The following IL1RAPL2 variants were observed in gnomAD, a reference collection of about 807,000 sequenced individuals.
IL1RAPL2 encodes X-linked interleukin-1 receptor accessory protein-like 2.
Under a neutral mutation model 44.1 loss-of-function variants are expected in IL1RAPL2, and 3 were observed. That is an observed-to-expected ratio of 0.07 (90% CI 0.03 to 0.18). The LOEUF is 0.18. Among genes scored for constraint, IL1RAPL2 ranks in the 10% least tolerant of loss-of-function variants. The pLI is 1.00. For synonymous variants in IL1RAPL2, 181 were observed against 178.8 expected, an observed-to-expected ratio of 1.01 and a Z score of -0.10; for missense variants, 391 against 496.4, an observed-to-expected ratio of 0.79 and a Z score of 2.02.
intron 2 of IL1RAPL2, among the ~76,000 whole-genome samples, chrX:104,908,883 G>T (rs775256510): frequency 1.7e-4 from 19 of 111,152 alleles, no homozygotes; most frequent in Non-Finnish European, 3.2e-4. Flanking sequence ...CTCCTGAAAT[G>T]TTGGCCTGCC....
intron 3 of IL1RAPL2, among the ~76,000 whole-genome samples, chrX:105,204,335 A>G (rs1272076909): frequency 9.0e-6 from 1 of 111,469 alleles, no homozygotes; most frequent in Non-Finnish European, 1.9e-5. Flanking sequence ...GTGTACTGAA[A>G]TAGGTATTCT....
At chrX:104,642,529 G>C (rs766423574) in intron 1 of IL1RAPL2, among the ~76,000 whole-genome samples, 13 of 110,275 alleles carry the variant, frequency 1.2e-4, no homozygotes, top group Admixed American at 3.9e-4. Flanking sequence ...TTGTTGCCCA[G>C]GCTGGAGTCC....
intron 5 of IL1RAPL2, among the ~76,000 whole-genome samples, chrX:105,453,311 T>C (rs1391396546): frequency 1.8e-5 from 2 of 112,334 alleles, no homozygotes; most frequent in Non-Finnish European, 3.8e-5. Flanking sequence ...GGCCTAATTT[T>C]AGTCATATTC....
At chrX:104,761,975 CTTCTTCT>C (rs1569309975) in intron 2 of IL1RAPL2, among the ~76,000 whole-genome samples, 7 of 96,919 alleles carry the variant, frequency 7.2e-5, no homozygotes, top group East Asian at 6.3e-4. Flanking sequence ...TCTTCTTCTT[CTTCTTCT>C]TCCTCCTCCT....
Position 105,746,933 on chromosome X carries a change from G to T in IL1RAPL2, c.1049-2027G>T, listed in dbSNP as rs180934256. On this transcript the variant is annotated intron_variant, in intron 8 of 10. Transcript: ENST00000372582. Reference sequence around the variant, plus strand: ...TGAATCAAGTCAATTAATGCCCCAAGATGAAAGAGAAGTCAGTTTTCAGAG... The same window carrying T: ...TGAATCAAGTCAATTAATGCCCCAATATGAAAGAGAAGTCAGTTTTCAGAG... 1.8e-3 allele frequency among the ~76,000 whole-genome samples: 197 copies of T among 111,829 alleles called. 1 individual carries two copies. The highest frequency in any genetic ancestry group is 2.8e-3 in the Non-Finnish European group (147 of 53,138).
intron 2 of IL1RAPL2, among the ~76,000 whole-genome samples, chrX:104,813,183 T>C (rs1246028481): frequency 1.8e-5 from 2 of 111,776 alleles, no homozygotes; most frequent in African/African-American, 6.5e-5. Flanking sequence ...GAAGTGGTAT[T>C]TATACAGGGA....
At chrX:105,579,005 G>T (rs1292130660) in intron 6 of IL1RAPL2, among the ~76,000 whole-genome samples, 1 of 111,714 alleles carries the variant, frequency 9.0e-6, no homozygotes, top group East Asian at 2.8e-4. Context: ...GTTAGAGGTA[G>T]ACTTGGTATT....
intron 6 of IL1RAPL2, among the ~76,000 whole-genome samples, chrX:105,578,767 G>A (rs750291488): frequency 2.5e-4 from 28 of 111,837 alleles, no homozygotes; most frequent in Non-Finnish European, 4.9e-4. Flanking sequence ...AAAGTAGATA[G>A]ACTGGACCCC....
At chrX:105,413,604 C>G (rs1287729565) in intron 5 of IL1RAPL2, among the ~76,000 whole-genome samples, 1 of 112,228 alleles carries the variant, frequency 8.9e-6, no homozygotes, top group Non-Finnish European at 1.9e-5. Context: ...TCATTTTTAG[C>G]TCATCAGGAC....
chrX:105,445,035 T>A (rs924486521), intron 5 of IL1RAPL2, among the ~76,000 whole-genome samples: 2 of 111,934 alleles, frequency 1.8e-5, no homozygotes, highest in Non-Finnish European at 1.9e-5. Flanking sequence ...GCTTTTCTTT[T>A]CTGGGAGACT....
At chrX:104,942,715 G>T (rs753184546) in intron 2 of IL1RAPL2, among the ~76,000 whole-genome samples, 1 of 111,318 alleles carries the variant, frequency 9.0e-6, no homozygotes, top group South Asian at 3.8e-4. Context: ...GCCCTGGCCA[G>T]AACTTCCAAC....
intron 2 of IL1RAPL2, among the ~76,000 whole-genome samples, chrX:105,125,142 T>A (rs1257050775): frequency 9.0e-6 from 1 of 110,830 alleles, no homozygotes; most frequent in African/African-American, 3.3e-5. Context: ...GAATACTGTT[T>A]GTTAAGTTCC....
At chrX:105,182,190 A>G (rs782026234) in intron 2 of IL1RAPL2, among the ~76,000 whole-genome samples, 44 of 111,364 alleles carry the variant, frequency 4.0e-4, no homozygotes, top group Non-Finnish European at 6.2e-4. Flanking sequence ...TTCTTTGTTG[A>G]TATTTTGGTC....
intron 6 of IL1RAPL2, among the ~76,000 whole-genome samples, chrX:105,702,025 G>A (rs1054742217): frequency 1.8e-5 from 2 of 111,516 alleles, no homozygotes; most frequent in African/African-American, 6.5e-5. Flanking sequence ...AAAACTCCAA[G>A]TCAGGTTTTT....
intron 2 of IL1RAPL2, among the ~76,000 whole-genome samples, chrX:104,964,786 CAT>C (rs1030707098): frequency 9.1e-6 from 1 of 110,427 alleles, no homozygotes; most frequent in Non-Finnish European, 1.9e-5. Context: ...TACTGGGAAA[CAT>C]ATAAAAAAGT....
intron 2 of IL1RAPL2, among the ~76,000 whole-genome samples, chrX:105,108,025 G>T (rs1001926920): frequency 1.8e-5 from 2 of 110,690 alleles, no homozygotes; most frequent in Non-Finnish European, 3.8e-5. Context: ...ATATGGCAGA[G>T]GTCCTCAAAG....
At chrX:105,306,379 G>T (rs1039296311) in intron 5 of IL1RAPL2, among the ~76,000 whole-genome samples, 17 of 111,221 alleles carry the variant, frequency 1.5e-4, no homozygotes, top group Admixed American at 1.2e-3. Context: ...ACAGTGATAT[G>T]TTACTTTCAA....
chrX:105,691,971 T>C (rs1045307230), intron 6 of IL1RAPL2, among the ~76,000 whole-genome samples: 1 of 111,721 alleles, frequency 9.0e-6, no homozygotes, highest in Non-Finnish European at 1.9e-5. Context: ...GCACAAGTTT[T>C]CCACTGAAAA....
intron 5 of IL1RAPL2, among the ~76,000 whole-genome samples, chrX:105,271,055 G>C (rs181193173): frequency 2.7e-5 from 3 of 112,116 alleles, no homozygotes; most frequent in Admixed American, 9.5e-5. Flanking sequence ...TTTGCTTTAA[G>C]AAGGTCAAAT....
Sources: allele counts gnomAD v4.1 joint callset (sites outside exome capture counted in the v4.1 genomes callset), GRCh38; gene constraint gnomAD v4.1.1; transcripts MANE v1.5; gene names NCBI Gene and HGNC (gene_info 2026-07-23, HGNC 2026-07-21).